The following CADPS2 variants were observed in gnomAD, a reference collection of about 807,000 sequenced individuals.
CADPS2 encodes calcium-dependent secretion activator 2.
In CADPS2, 93 loss-of-function variants were observed where a neutral mutation model predicts 172.5. The ratio of observed to expected loss-of-function variants is 0.54; its 90% CI spans 0.46 to 0.64. The LOEUF (loss-of-function observed/expected upper bound fraction) is 0.64. CADPS2 is among the 30% of genes least tolerant of loss of function. The probability of loss-of-function intolerance (pLI) is 0.00; values close to 1 mark genes in which losing one functional copy is unlikely to be tolerated. For missense variants in CADPS2, 1,420 were observed against 1,565.9 expected (o/e 0.91, Z 1.57); for synonymous variants, 546 against 555.2 (o/e 0.98, Z 0.23).
At chr7:122,662,648 C>T (rs2080727499) in intron 3 of CADPS2, among the ~76,000 whole-genome samples, 1 of 152,148 alleles carries the variant, frequency 6.6e-6, no homozygotes, top group Non-Finnish European at 1.5e-5. Context: ...CATTGGGTTA[C>T]AGGCGTGAGC....
chr7:122,870,877 T>C lies in CADPS2; in HGVS notation c.339+15122A>G, dbSNP rs941819291. On this transcript the variant is annotated intron_variant, in intron 1 of 29. Transcript: ENST00000449022. ...ATTTGTTGATAAATGCAATATGCTT[T>C]ATAGCAGGGAACATTTTTCCCTGAA... Among the ~76,000 whole-genome samples, 6 of 152,056 alleles carry C rather than the reference T, an allele frequency of 3.9e-5. 1 individual carries two copies. The South Asian group carries it at 1.2e-3, about 31-fold the overall frequency.
intron 17 of CADPS2, chr7:122,427,121 CGTGTGTGTGT>C (rs35202510): frequency 2.7e-5 from 4 of 146,564 alleles, no homozygotes; most frequent in Non-Finnish European, 6.0e-5. Flanking sequence ...ACATAAATGC[CGTGTGTGTGT>C]GTGTGTGTGT....
chr7:122,698,344 A>G (rs761091418), intron 2 of CADPS2: 1 of 1,613,616 alleles, frequency 6.2e-7, no homozygotes, highest in Non-Finnish European at 8.5e-7. Context: ...CACAAAAGAG[A>G]CCAAATAGTG....
Position 122,640,952 on chromosome 7 carries a change from T to A in CADPS2, c.787-11624A>T, listed in dbSNP as rs990273355. On this transcript the variant is annotated intron_variant, in intron 3 of 29. Transcript: ENST00000449022. ...CTATCTCAAAAAAAAAAAAAAAAAA[T>A]TGTTGACCCACTAGATCCTAGTGCC... Among the ~76,000 whole-genome samples, 4 of 147,804 alleles carry A rather than the reference T, an allele frequency of 2.7e-5. No homozygotes were observed. The South Asian group carries it at 8.6e-4, about 32-fold the overall frequency.
At chr7:122,349,364 G>A (rs1011740912) in intron 27 of CADPS2, among the ~76,000 whole-genome samples, 16 of 151,882 alleles carry the variant, frequency 1.1e-4, no homozygotes, top group African/African-American at 3.6e-4. Flanking sequence ...ATGCCATTTC[G>A]GAGTAAATTA....
chr7:122,432,642 A>AG (rs2050092219), intron 17 of CADPS2, among the ~76,000 whole-genome samples: 3 of 132,498 alleles, frequency 2.3e-5, no homozygotes, highest in African/African-American at 8.9e-5. Flanking sequence ...CTCTGTTAAA[A>AG]TAAAAAAAAA....
At chr7:122,483,381 C>G (rs1044924506) in intron 11 of CADPS2, among the ~76,000 whole-genome samples, 5 of 152,008 alleles carry the variant, frequency 3.3e-5, no homozygotes, top group Non-Finnish European at 4.4e-5. Flanking sequence ...AAAATATCTT[C>G]AAAATGAGGG....
intron 3 of CADPS2, among the ~76,000 whole-genome samples, chr7:122,647,353 CAA>C (rs752309251): frequency 6.6e-6 from 1 of 152,128 alleles, no homozygotes; most frequent in African/African-American, 2.4e-5. Flanking sequence ...AGAGAGTACA[CAA>C]ACTTTTGACC....
chr7:122,374,632 A>T (rs2042138259), intron 25 of CADPS2, among the ~76,000 whole-genome samples: 1 of 152,132 alleles, frequency 6.6e-6, no homozygotes, highest in African/African-American at 2.4e-5. Context: ...AAGATCAGAA[A>T]ACCAAACACC....
chr7:122,856,635 T>C (rs1360603809), intron 1 of CADPS2, among the ~76,000 whole-genome samples: 3 of 152,088 alleles, frequency 2.0e-5, no homozygotes, highest in Non-Finnish European at 2.9e-5. Flanking sequence ...GGGCCAGCAA[T>C]GGCTAAAAAA....
intron 22 of CADPS2, among the ~76,000 whole-genome samples, chr7:122,390,031 G>A (rs140756074): frequency 9.0e-4 from 137 of 152,066 alleles, no homozygotes; most frequent in Non-Finnish European, 1.4e-3. Flanking sequence ...TGGCCTCAGC[G>A]TCAAAGCTCT....
chr7:122,767,386 G>A (rs2093586567), intron 1 of CADPS2, among the ~76,000 whole-genome samples: 1 of 152,072 alleles, frequency 6.6e-6, no homozygotes, highest in Non-Finnish European at 1.5e-5. Flanking sequence ...CAAAACCCAG[G>A]TCTGCTTGGT....
At position 122,441,295 on chromosome 7, in the gene CADPS2, A is replaced by G. The variant is rs989217460; in HGVS notation, c.2352+217T>C. Among the ~76,000 whole-genome samples the G allele has an allele frequency of 4.6e-5, 7 of 152,170 alleles. No homozygotes were observed. The South Asian group carries it at 1.5e-3, about 32-fold the overall frequency. On this transcript the variant is annotated intron_variant, in intron 16 of 29. Transcript: ENST00000449022. Reference sequence around the variant, plus strand: ...ACTACCAAAAAGATGCCATAATATGAGGATAGGATTTCAGTGTGAGGCTTC... The same window carrying G: ...ACTACCAAAAAGATGCCATAATATGGGGATAGGATTTCAGTGTGAGGCTTC...
chr7:122,416,555 T>C (rs2047944268), intron 17 of CADPS2, among the ~76,000 whole-genome samples: 2 of 152,206 alleles, frequency 1.3e-5, no homozygotes, highest in South Asian at 4.1e-4. Context: ...TTCCTGGCAT[T>C]AGCAAAACCC....
At chr7:122,349,535 T>C (rs1304161106) in intron 27 of CADPS2, among the ~76,000 whole-genome samples, 1 of 152,162 alleles carries the variant, frequency 6.6e-6, no homozygotes, top group Non-Finnish European at 1.5e-5. Flanking sequence ...AGCAAAGTTA[T>C]AGTGAAACAA....
Position 122,432,642 on chromosome 7 carries a change from AT to A in CADPS2, c.2476+5698del, listed in dbSNP as rs779020076. ...GGCAACAAGGCAAGACTCTGTTAAA[AT>A]AAAAAAAAAAAAAAAAAAGAAAAAA... is the stretch of plus-strand genomic sequence containing the variant. On this transcript the variant is annotated intron_variant, in intron 17 of 29. Transcript: ENST00000449022. Among the ~76,000 whole-genome samples, 250 of 132,550 alleles carry A rather than the reference AT, an allele frequency of 1.9e-3. 2 individuals are homozygous for A. Among genetic ancestry groups the A allele is most frequent in the African/African-American group, 6.7e-3 (228 of 33,912 alleles). 87.0% of individuals were successfully genotyped at this position (132,550 alleles called of 152,430 possible). A position where few individuals can be genotyped will look rare whatever the true frequency, so the allele number is the denominator to read the frequency against.
At chr7:122,562,785 A>G (rs912406635) in intron 7 of CADPS2, among the ~76,000 whole-genome samples, 22 of 152,078 alleles carry the variant, frequency 1.4e-4, no homozygotes, top group African/African-American at 5.1e-4. Context: ...CACACACCTG[A>G]AGCATTCTGC....
At chr7:122,747,478 AC>A in intron 1 of CADPS2, among the ~76,000 whole-genome samples, 1 of 152,204 alleles carries the variant, frequency 6.6e-6, no homozygotes, top group Admixed American at 6.5e-5. Flanking sequence ...CCCCTTGACT[AC>A]CCTTAATATA....
intron 2 of CADPS2, among the ~76,000 whole-genome samples, chr7:122,721,717 C>T (rs886179351): frequency 2.0e-5 from 3 of 152,074 alleles, no homozygotes; most frequent in Non-Finnish European, 4.4e-5. Context: ...GATACCAAAG[C>T]CTGGCAGAGA....
Sources: allele counts gnomAD v4.1 joint callset (sites outside exome capture counted in the v4.1 genomes callset), GRCh38; gene constraint gnomAD v4.1.1; transcripts MANE v1.5; gene names NCBI Gene and HGNC (gene_info 2026-07-23, HGNC 2026-07-21).